GABRA2: variants seen among roughly 807,000 people sequenced by gnomAD.
GABRA2 encodes gamma-aminobutyric acid type A receptor subunit alpha2.
Under a neutral mutation model 48.7 loss-of-function variants are expected in GABRA2, and 16 were observed. That is an observed-to-expected ratio of 0.33 (90% CI 0.22 to 0.50). The LOEUF (loss-of-function observed/expected upper bound fraction) is 0.50. GABRA2 is among the 20% of genes least tolerant of loss of function. The pLI, the probability that GABRA2 is intolerant of heterozygous loss-of-function variation, is 0.98. For synonymous variants in GABRA2, 185 were observed against 184.5 expected, an observed-to-expected ratio of 1.00 and a Z score of -0.02; for missense variants, 275 against 535.6, an observed-to-expected ratio of 0.51 and a Z score of 4.80.
chr4:46,274,672 G>C (rs996299810), intron 8 of GABRA2, among the ~76,000 whole-genome samples: 2 of 152,034 alleles, frequency 1.3e-5, no homozygotes, highest in African/African-American at 4.8e-5. Context: ...CTTAAATACA[G>C]AGTTGCCCAC....
intron 3 of GABRA2, among the ~76,000 whole-genome samples, chr4:46,335,151 A>G (rs1323941011): frequency 6.6e-6 from 1 of 152,164 alleles, no homozygotes; most frequent in Non-Finnish European, 1.5e-5. Flanking sequence ...GTGAACAAAG[A>G]AAAAGGGAAA....
At chr4:46,299,928 G>A (rs1725447135) in intron 8 of GABRA2, among the ~76,000 whole-genome samples, 1 of 151,826 alleles carries the variant, frequency 6.6e-6, no homozygotes, top group Non-Finnish European at 1.5e-5. Flanking sequence ...CCTTAGAAAA[G>A]AGATATTACA....
chr4:46,382,801 G>T (rs373574541), intron 3 of GABRA2, among the ~76,000 whole-genome samples: 1 of 152,000 alleles, frequency 6.6e-6, no homozygotes, highest in African/African-American at 2.4e-5. Flanking sequence ...CAGGTGAAAA[G>T]AACAATTTTT....
At chr4:46,328,617 T>A (rs1730802712) in intron 4 of GABRA2, among the ~76,000 whole-genome samples, 1 of 151,024 alleles carries the variant, frequency 6.6e-6, no homozygotes, top group Admixed American at 6.6e-5. Context: ...TCCCTTCCCA[T>A]CATGATAACA....
In GABRA2 at chr4:46,312,727, A is replaced by C. The variant is rs41311282; in HGVS notation, c.256-11T>G. The C allele has an allele frequency of 7.2e-7, 1 of 1,397,146 alleles. No homozygotes were observed. The highest frequency in any genetic ancestry group is 9.7e-7 in the Non-Finnish European group (1 of 1,029,222). 86.5% of individuals were successfully genotyped at this position (1,397,146 alleles called of 1,614,324 possible). A position where few individuals can be genotyped will look rare whatever the true frequency, so the allele number is the denominator to read the frequency against. ...ATCAATTGTATATTCCTGAAATAAA[A>C]AATAGAATTTTTTTGAAAATAGTAA... is the stretch of plus-strand genomic sequence containing the variant. On this transcript the variant is annotated splice_polypyrimidine_tract_variant and intron_variant, in intron 4 of 9. Coordinates refer to ENST00000381620, the MANE Select transcript of GABRA2 (RefSeq NM_000807.4).
At chr4:46,299,864 T>A (rs1050720836) in intron 8 of GABRA2, among the ~76,000 whole-genome samples, 1 of 151,818 alleles carries the variant, frequency 6.6e-6, no homozygotes, top group Non-Finnish European at 1.5e-5. Flanking sequence ...AGTAAAGCTC[T>A]GCTTTAAGGT....
Position 46,258,328 on chromosome 4 carries a change from G to T in GABRA2, c.1059+3598C>A, listed in dbSNP as rs75443021. Among the ~76,000 whole-genome samples the T allele has an allele frequency of 5.5e-3, 832 of 151,850 alleles. 12 individuals carry two copies. Among genetic ancestry groups the T allele is most frequent in the East Asian group, 0.041 (209 of 5,134 alleles). On this transcript the variant is annotated intron_variant, in intron 9 of 9. Transcript: ENST00000381620. ...TATGCAATTACAAACTACGATAAAG[G>T]TTCTAATGCAAAAGAACAGAGTACT... is the stretch of plus-strand genomic sequence containing the variant.
Position 46,340,536 on chromosome 4 carries a change from T to C in GABRA2, c.188-7854A>G, listed in dbSNP as rs545204989. ...TGAATGAGTGTTGGATTTTGTCAAA[T>C]TATTGTTTTTCACCTATGCAGATGA... On this transcript the variant is annotated intron_variant, in intron 3 of 9. Transcript: ENST00000381620. Among the ~76,000 whole-genome samples the C allele has an allele frequency of 7.9e-5, 12 of 152,148 alleles. No individual in the cohort carries two copies. In the South Asian group the frequency reaches 2.5e-3, roughly 32 times the overall value.
intron 8 of GABRA2, among the ~76,000 whole-genome samples, chr4:46,277,729 G>T (rs527914098): frequency 1.3e-5 from 2 of 152,260 alleles, no homozygotes; most frequent in South Asian, 4.1e-4. Flanking sequence ...CAGGGACCGG[G>T]CAGGAAAGAT....
intron 3 of GABRA2, among the ~76,000 whole-genome samples, chr4:46,354,240 T>A (rs1735622536): frequency 6.6e-6 from 1 of 152,150 alleles, no homozygotes; most frequent in Non-Finnish European, 1.5e-5. Context: ...ATATTGAAAC[T>A]CATATCCAGC....
rs962742690 is a variant in GABRA2 at position 46,247,919 on chromosome 4, C to T, written c.*2389G>A. 1.3e-5 allele frequency among the ~76,000 whole-genome samples: 2 copies of T among 150,932 alleles called. No homozygotes were observed. Among genetic ancestry groups the T allele is most frequent in the Admixed American group, 6.6e-5 (1 of 15,086 alleles). ...AAAGAAATAACAAAGAATTCTGATC[C>T]CTAGCACTGAAAAATCTGAACTGCC... On this transcript the variant is annotated 3_prime_UTR_variant, in exon 10 of 10. Coordinates refer to ENST00000381620, the MANE Select transcript of GABRA2 (RefSeq NM_000807.4).
intron 3 of GABRA2, chr4:46,364,799 G>C (rs1023124158): frequency 4.6e-5 from 7 of 152,134 alleles, no homozygotes; most frequent in Non-Finnish European, 8.8e-5. Flanking sequence ...CTCGGATAAT[G>C]TCCCTTTCTT....
chr4:46,385,035 T>G (rs528969696), intron 3 of GABRA2, among the ~76,000 whole-genome samples: 1 of 150,548 alleles, frequency 6.6e-6, no homozygotes, highest in South Asian at 2.1e-4. Context: ...CTCTTCCAAC[T>G]TTTTTCTTAC....
At chr4:46,359,121 T>C (rs375279560) in intron 3 of GABRA2, among the ~76,000 whole-genome samples, 1 of 152,174 alleles carries the variant, frequency 6.6e-6, no homozygotes, top group African/African-American at 2.4e-5. Flanking sequence ...GCAGAAGTGT[T>C]AACCAAAAAT....
At chr4:46,348,037 C>T (rs955916465) in intron 3 of GABRA2, among the ~76,000 whole-genome samples, 6 of 152,060 alleles carry the variant, frequency 3.9e-5, no homozygotes, top group Non-Finnish European at 8.8e-5. Context: ...TGACAAAGGG[C>T]TAATATCCAG....
intron 4 of GABRA2, among the ~76,000 whole-genome samples, chr4:46,318,321 A>T (rs1341304900): frequency 6.6e-6 from 1 of 151,208 alleles, no homozygotes; most frequent in African/African-American, 2.4e-5. Context: ...ATATTAGTGT[A>T]AAATATAGGT....
chr4:46,299,305 C>T (rs1200370891), intron 8 of GABRA2, among the ~76,000 whole-genome samples: 1 of 151,682 alleles, frequency 6.6e-6, no homozygotes, highest in Non-Finnish European at 1.5e-5. Flanking sequence ...GCTCTTTTTA[C>T]TATCCTCTTC....
intron 3 of GABRA2, among the ~76,000 whole-genome samples, chr4:46,362,940 T>C (rs1050522626): frequency 1.3e-5 from 2 of 152,188 alleles, no homozygotes; most frequent in South Asian, 4.1e-4. Context: ...AAATTTATAA[T>C]CTACTCAGGT....
intron 3 of GABRA2, among the ~76,000 whole-genome samples, chr4:46,338,103 C>T (rs1271589294): frequency 6.6e-6 from 1 of 151,868 alleles, no homozygotes; most frequent in Non-Finnish European, 1.5e-5. Flanking sequence ...CACATACACA[C>T]CATTTTAAAA....
Sources: allele counts gnomAD v4.1 joint callset (sites outside exome capture counted in the v4.1 genomes callset), GRCh38; gene constraint gnomAD v4.1.1; transcripts MANE v1.5; gene names NCBI Gene and HGNC (gene_info 2026-07-23, HGNC 2026-07-21).